CHL1: variants seen among roughly 807,000 people sequenced by gnomAD.
The protein encoded by CHL1 is cell adhesion molecule L1 like, also known as neural cell adhesion molecule L1-like protein.
Under a neutral mutation model 141.9 loss-of-function variants are expected in CHL1, and 96 were observed. That is an observed-to-expected ratio of 0.68 (90% CI 0.57 to 0.80). The LOEUF is 0.80. Ranked by LOEUF, CHL1 falls within the 30% of genes least tolerant of loss-of-function variation. The pLI, the probability that CHL1 is intolerant of heterozygous loss-of-function variation, is 0.00. For synonymous variants in CHL1, 613 were observed against 502.2 expected, an observed-to-expected ratio of 1.22 and a Z score of -2.95; for missense variants, 1,820 against 1,457.2, an observed-to-expected ratio of 1.25 and a Z score of -4.05.
chr3:239,757 C>T (rs907461351), intron 1 of CHL1, among the ~76,000 whole-genome samples: 1 of 151,950 alleles, frequency 6.6e-6, no homozygotes, highest in Non-Finnish European at 1.5e-5. Context: ...TCACCCCACT[C>T]CCACCCTTTC....
intron 2 of CHL1, 22 bp downstream of exon 2, chr3:244,714 A>C (rs1469580478): frequency 6.6e-6 from 1 of 152,164 alleles, no homozygotes; most frequent in African/African-American, 2.4e-5. Flanking sequence ...TTCCTTAATC[A>C]GTTGTTTTAT....
At chr3:198,580 T>C (rs575101391) in intron 1 of CHL1, among the ~76,000 whole-genome samples, 1 of 152,194 alleles carries the variant, frequency 6.6e-6, no homozygotes, top group Non-Finnish European at 1.5e-5. Flanking sequence ...CCCTCTATAC[T>C]GGGTTGTTGC....
At chr3:269,982 G>A (rs1441253932) in intron 2 of CHL1, among the ~76,000 whole-genome samples, 2 of 152,202 alleles carry the variant, frequency 1.3e-5, no homozygotes, top group African/African-American at 2.4e-5. Context: ...CCTGAGACCT[G>A]TGCAGAACCT....
At position 240,829 on chromosome 3, in the gene CHL1, G is replaced by A. The variant is rs3872652; in HGVS notation, c.-174-3784G>A. Among the ~76,000 whole-genome samples, 12 of 152,082 alleles carry A rather than the reference G, an allele frequency of 7.9e-5. No homozygotes were observed. The South Asian group carries it at 2.1e-3, about 26-fold the overall frequency. On this transcript the variant is annotated intron_variant, in intron 1 of 27. Coordinates refer to ENST00000256509, the MANE Select transcript of CHL1 (RefSeq NM_006614.4). ...TCCTACATGTGGCTTGCGAATTATC[G>A]CAGCATCATTTGTTAAATAGGGTGT...
intron 1 of CHL1, among the ~76,000 whole-genome samples, chr3:211,073 C>A (rs1034521198): frequency 1.3e-5 from 2 of 152,130 alleles, no homozygotes; most frequent in African/African-American, 2.4e-5. Flanking sequence ...TTTAAGAGAA[C>A]CAGGAGTATC....
At chr3:213,147 G>A (rs186430249) in intron 1 of CHL1, 65 of 152,290 alleles carry the variant, frequency 4.3e-4, no homozygotes, top group African/African-American at 1.5e-3. Flanking sequence ...GATTAGAAAA[G>A]TTAAATTGTT....
chr3:244,430 G>T (rs879257188), intron 1 of CHL1, among the ~76,000 whole-genome samples, 183 bp from the exon 2 acceptor site: 1 of 152,090 alleles, frequency 6.6e-6, no homozygotes, highest in Non-Finnish European at 1.5e-5. Flanking sequence ...ACAGAAATTC[G>T]CAGGACCCCT....
Position 394,848 on chromosome 3 carries a change from G to A in CHL1, c.3070G>A (p.Glu1024Lys), listed in dbSNP as rs1708539087. 1 of 1,613,006 alleles carries A rather than the reference G, an allele frequency of 6.2e-7. No homozygotes were observed. Among genetic ancestry groups the A allele is most frequent in the Non-Finnish European group, 8.5e-7 (1 of 1,179,614 alleles). ...SQGCGKPITEESSTLGEGSKG... is the reference protein window; with the variant it reads ...SQGCGKPITEKSSTLGEGSKG... ...GGGCTGTGGAAAACCGATCACGGAG[G>A]AAAGCTCCACCTTAGGAGAAGGGAG... The change falls in exon 24 of 28, where the codon GAA becomes AAA. Residue 1024 changes from glutamate (E) to lysine (K), a missense_variant. Physicochemically the swap from Glu to Lys is moderately conservative, Grantham distance 56. Coordinates refer to ENST00000256509, the MANE Select transcript of CHL1 (RefSeq NM_006614.4).
chr3:326,089 G>C, intron 4 of CHL1, 25 bp downstream of exon 4: 2 of 1,452,842 alleles, frequency 1.4e-6, no homozygotes, highest in Non-Finnish European at 1.9e-6. Flanking sequence ...AAACGAAGTG[G>C]TTCTTTAAAT....
intron 15 of CHL1, among the ~76,000 whole-genome samples, chr3:367,815 G>C (rs2201913): frequency 0.34 from 51,725 of 151,870 alleles, 10,275 homozygotes; most frequent in South Asian, 0.49. Context: ...AAAAGTCCCT[G>C]GTATGTGTGA....
intron 1 of CHL1, chr3:217,805 G>C (rs1700453777): frequency 6.6e-6 from 1 of 152,132 alleles, no homozygotes; most frequent in Non-Finnish European, 1.5e-5. Context: ...TAAGCTAGTT[G>C]ATGTAATTTG....
At chr3:373,267 G>A (rs1234384707) in intron 15 of CHL1, among the ~76,000 whole-genome samples, 1 of 152,224 alleles carries the variant, frequency 6.6e-6, no homozygotes, top group Non-Finnish European at 1.5e-5. Context: ...CTCAGGCCCA[G>A]GGAGATCTGG....
At chr3:327,823 C>A (rs1325917992) in intron 4 of CHL1, among the ~76,000 whole-genome samples, 2 of 151,866 alleles carry the variant, frequency 1.3e-5, no homozygotes, top group South Asian at 4.1e-4. Context: ...GAGTTCCTTA[C>A]ACACACAAAT....
chr3:389,928 A>G (rs893402579), intron 20 of CHL1, among the ~76,000 whole-genome samples: 2 of 152,210 alleles, frequency 1.3e-5, no homozygotes, highest in Non-Finnish European at 2.9e-5. Flanking sequence ...ATGTAGAATT[A>G]TATGCACACA....
At position 341,931 on chromosome 3, in the gene CHL1, A is replaced by C; in HGVS notation, c.528A>C (p.Gln176His). 1 of 1,609,566 alleles carries C rather than the reference A, an allele frequency of 6.2e-7. No homozygotes were observed. Among genetic ancestry groups the C allele is most frequent in the Non-Finnish European group, 8.5e-7 (1 of 1,176,614 alleles). The part of the protein sequence containing the change: ...WMNIELEHIE[Q>H]DERVYMSQKG... ...TTTCAGAATTAGAACACATCGAACAAGATGAAAGAGTATACATGAGCCAAA... is the reference window on the plus strand; with the variant it reads ...TTTCAGAATTAGAACACATCGAACACGATGAAAGAGTATACATGAGCCAAA... Residue 176 changes from glutamine (Q) to histidine (H), a missense_variant, in exon 7 of 28, where the codon CAA (glutamine) becomes CAC (histidine). Transcript: ENST00000256509.
intron 2 of CHL1, among the ~76,000 whole-genome samples, chr3:285,509 T>C (rs921120264): frequency 9.2e-5 from 14 of 152,208 alleles, no homozygotes; most frequent in African/African-American, 3.1e-4. Context: ...TCCCTAATTT[T>C]GCTTTCTAGC....
chr3:232,217 T>C (rs1701927878), intron 1 of CHL1, among the ~76,000 whole-genome samples: 1 of 152,192 alleles, frequency 6.6e-6, no homozygotes, highest in Non-Finnish European at 1.5e-5. Flanking sequence ...GGCATGTCAT[T>C]ACACATTATT....
chr3:372,186 T>G (rs1210483502), intron 15 of CHL1, among the ~76,000 whole-genome samples: 1 of 152,224 alleles, frequency 6.6e-6, no homozygotes, highest in East Asian at 1.9e-4. Flanking sequence ...TCCTGGATAA[T>G]ATCCGGAAGT....
chr3:198,443 G>A (rs1698605057), intron 1 of CHL1, among the ~76,000 whole-genome samples: 1 of 152,178 alleles, frequency 6.6e-6, no homozygotes, highest in Non-Finnish European at 1.5e-5. Flanking sequence ...GCTCTAGGCG[G>A]AGGCTCCCGG....
Sources: gnomAD v4.1 joint callset for allele counts (sites outside exome capture counted in the v4.1 genomes callset) on GRCh38, gnomAD v4.1.1 for gene constraint, MANE v1.5 for transcripts, NCBI Gene and HGNC (gene_info 2026-07-23, HGNC 2026-07-21) for gene names.